Variants in DLC1 observed in about 807,000 individuals in gnomAD.
DLC1 encodes rho GTPase-activating protein 7.
In DLC1, 54 loss-of-function variants were observed where a neutral mutation model predicts 140.3. The ratio of observed to expected loss-of-function variants is 0.38; its 90% CI spans 0.31 to 0.48. DLC1 has a LOEUF of 0.48. DLC1 is among the 20% of genes least tolerant of loss of function. DLC1 has a pLI of 0.96. For missense variants in DLC1, 2,536 were observed against 1,907.0 expected (o/e 1.33, Z -6.14); for synonymous variants, 986 against 728.1 (o/e 1.35, Z -5.70).
chr8:13,561,935 C>T lies in DLC1; in HGVS notation c.-126+42602G>A, dbSNP rs77937305. Among the ~76,000 whole-genome samples, 34 of 152,112 alleles carry T rather than the reference C, an allele frequency of 2.2e-4. 1 individual carries two copies. In the South Asian group the frequency reaches 2.3e-3, roughly 10 times the overall value. ...TAAAAATTAGAAAGCAAGAGGCTATCTTAACTTATAGATAATATGATTATA... is the reference window on the plus strand; with the variant it reads ...TAAAAATTAGAAAGCAAGAGGCTATTTTAACTTATAGATAATATGATTATA... On this transcript the variant is annotated intron_variant, in intron 1 of 1. Transcript: ENST00000631382.
At chr8:13,228,050 C>T (rs1178881683) in intron 5 of DLC1, among the ~76,000 whole-genome samples, 1 of 152,018 alleles carries the variant, frequency 6.6e-6, no homozygotes, top group Non-Finnish European at 1.5e-5. Flanking sequence ...TATTAGGAAG[C>T]TTACAAGAGA....
chr8:13,097,273 A>ATTATTATTCTTATTT (rs1377225334), intron 10 of DLC1, among the ~76,000 whole-genome samples: 3 of 150,872 alleles, frequency 2.0e-5, no homozygotes, highest in African/African-American at 7.3e-5. Context: ...TATTATTATT[A>ATTATTATTCTTATTT]TTTTTTGAGA....
At chr8:13,446,965 T>A (rs1585122760) in intron 2 of DLC1, among the ~76,000 whole-genome samples, 11 of 141,804 alleles carry the variant, frequency 7.8e-5, no homozygotes, top group Admixed American at 1.4e-4. Flanking sequence ...AAGGAAGGAA[T>A]GAAAGACAAC....
chr8:13,387,190 T>C (rs1368949713), intron 4 of DLC1, among the ~76,000 whole-genome samples: 1 of 152,058 alleles, frequency 6.6e-6, no homozygotes, highest in Non-Finnish European at 1.5e-5. Context: ...CATAAAATAC[T>C]ATTTAAATTC....
At chr8:13,468,352 C>T (rs1301261222) in intron 2 of DLC1, among the ~76,000 whole-genome samples, 2 of 117,790 alleles carry the variant, frequency 1.7e-5, no homozygotes, top group African/African-American at 6.2e-5. Context: ...CCCTCCCCTC[C>T]CCTCCCCTCC....
chr8:13,176,506 C>T (rs534868630), intron 5 of DLC1, among the ~76,000 whole-genome samples: 2 of 152,208 alleles, frequency 1.3e-5, no homozygotes, highest in South Asian at 4.1e-4. Flanking sequence ...GTGAACCCGG[C>T]AGGTGGAGCT....
At chr8:13,099,287 C>T in intron 9 of DLC1, 60 bp downstream of exon 9, 1 of 1,548,988 alleles carries the variant, frequency 6.5e-7, no homozygotes, top group Non-Finnish European at 8.7e-7. Flanking sequence ...AGAACAAGCA[C>T]AGGCAATGTC....
chr8:13,283,925 G>C (rs932708681), intron 5 of DLC1, among the ~76,000 whole-genome samples: 22 of 152,148 alleles, frequency 1.4e-4, no homozygotes, highest in African/African-American at 4.8e-4. Context: ...GATCTGCAGA[G>C]GGGTCTTCCC....
chr8:13,355,435 A>T (rs567340948), intron 4 of DLC1, among the ~76,000 whole-genome samples: 3 of 152,198 alleles, frequency 2.0e-5, no homozygotes, highest in African/African-American at 4.8e-5. Flanking sequence ...ACAGAAATTT[A>T]TTTCTCACAG....
At chr8:13,447,455 T>C (rs1208581161) in intron 2 of DLC1, among the ~76,000 whole-genome samples, 1 of 152,208 alleles carries the variant, frequency 6.6e-6, no homozygotes, top group Non-Finnish European at 1.5e-5. Context: ...CATTATCAAA[T>C]ATTTTATTGT....
At chr8:13,290,743 G>T (rs1475161328) in intron 5 of DLC1, among the ~76,000 whole-genome samples, 2 of 152,110 alleles carry the variant, frequency 1.3e-5, no homozygotes, top group Non-Finnish European at 2.9e-5. Flanking sequence ...GACATCTGGA[G>T]ATGATATAAA....
At chr8:13,478,269 G>A (rs1162121131) in intron 2 of DLC1, among the ~76,000 whole-genome samples, 1 of 152,072 alleles carries the variant, frequency 6.6e-6, no homozygotes, top group African/African-American at 2.4e-5. Context: ...GAAGGGGGTA[G>A]GTGGAGGTGC....
At chr8:13,460,085 T>C (rs1414787143) in intron 2 of DLC1, among the ~76,000 whole-genome samples, 1 of 152,208 alleles carries the variant, frequency 6.6e-6, no homozygotes, top group Non-Finnish European at 1.5e-5. Context: ...TCTAAGGCAG[T>C]GTTAGGAACT....
At chr8:13,113,590 T>TA (rs1820296056) in intron 6 of DLC1, among the ~76,000 whole-genome samples, 1 of 152,200 alleles carries the variant, frequency 6.6e-6, no homozygotes, top group Non-Finnish European at 1.5e-5. Flanking sequence ...GAAGAAAACT[T>TA]AGTTTCTAAA....
At position 13,398,584 on chromosome 8, in the gene DLC1, A is replaced by G. The variant is rs1837155916; in HGVS notation, c.1173+2886T>C. 1.3e-5 allele frequency among the ~76,000 whole-genome samples: 2 copies of G among 148,298 alleles called. 1 individual carries two copies. The highest frequency in any genetic ancestry group is 4.4e-4 in the South Asian group (2 of 4,580). On this transcript the variant is annotated intron_variant, in intron 3 of 17. Coordinates refer to ENST00000276297, the MANE Select transcript of DLC1 (RefSeq NM_182643.3). Reference sequence around the variant, plus strand: ...GCCCTAGAACATAGAGCTGGGCAACATAGAGAAACCCCATCTCTACCAAAA... The same window carrying G: ...GCCCTAGAACATAGAGCTGGGCAACGTAGAGAAACCCCATCTCTACCAAAA...
chr8:13,528,969 G>A (rs942645316), intron 1 of DLC1, among the ~76,000 whole-genome samples: 2 of 152,096 alleles, frequency 1.3e-5, no homozygotes, highest in Admixed American at 6.6e-5. Flanking sequence ...CTTGAACACT[G>A]TCCTTAGCTT....
chr8:13,577,567 A>G (rs1162225383), intron 1 of DLC1, among the ~76,000 whole-genome samples: 1 of 152,190 alleles, frequency 6.6e-6, no homozygotes, highest in African/African-American at 2.4e-5. Context: ...AATTTTGCCA[A>G]TTGTTCCATC....
intron 5 of DLC1, among the ~76,000 whole-genome samples, chr8:13,188,580 A>G (rs1433536829): frequency 6.9e-6 from 1 of 144,444 alleles, no homozygotes; most frequent in African/African-American, 2.5e-5. Flanking sequence ...CATATATTCT[A>G]TATTTCTATA....
intron 5 of DLC1, chr8:13,214,454 G>A (rs2117120705): frequency 3.3e-6 from 2 of 599,004 alleles, no homozygotes; most frequent in African/African-American, 1.8e-5. Flanking sequence ...AACATGACCT[G>A]TGGTCTGTGC....
Sources: gnomAD v4.1 joint callset for allele counts (sites outside exome capture counted in the v4.1 genomes callset) on GRCh38, gnomAD v4.1.1 for gene constraint, MANE v1.5 for transcripts, NCBI Gene and HGNC (gene_info 2026-07-23, HGNC 2026-07-21) for gene names.